SLC35F4: variants seen among roughly 807,000 people sequenced by gnomAD.
SLC35F4 encodes solute carrier family 35 member F4, also known as chromosome 14 open reading frame 36.
SLC35F4 carries 24 observed loss-of-function variants against 44.2 expected under a neutral mutation model. The observed-to-expected ratio is 0.54, with a 90% confidence interval of 0.39 to 0.76. The LOEUF (loss-of-function observed/expected upper bound fraction) is 0.76. Among genes scored for constraint, SLC35F4 ranks in the 30% least tolerant of loss-of-function variants. The probability of loss-of-function intolerance (pLI) is 0.00; values close to 1 mark genes in which losing one functional copy is unlikely to be tolerated. For synonymous variants in SLC35F4, 238 were observed against 223.6 expected (o/e 1.06, Z -0.57); for missense variants, 562 against 586.1 (o/e 0.96, Z 0.42).
At chr14:57,951,229 G>T (rs1890134707) in intron 1 of SLC35F4, among the ~76,000 whole-genome samples, 1 of 152,164 alleles carries the variant, frequency 6.6e-6, no homozygotes, top group South Asian at 2.1e-4. Flanking sequence ...GAGGGACTGT[G>T]CTGTGAGGAA....
intron 2 of SLC35F4, among the ~76,000 whole-genome samples, chr14:57,593,192 A>G (rs2070297337): frequency 6.6e-6 from 1 of 152,204 alleles, no homozygotes; most frequent in South Asian, 2.1e-4. Flanking sequence ...TCGGTCATAC[A>G]ATGAGAGGAA....
chr14:57,847,907 T>C (rs556136666), intron 1 of SLC35F4, among the ~76,000 whole-genome samples: 4 of 152,228 alleles, frequency 2.6e-5, no homozygotes, highest in African/African-American at 7.2e-5. Flanking sequence ...ATCTGAAAGA[T>C]GACAGATTGA....
chr14:57,617,962 C>T (rs1488327304), intron 1 of SLC35F4, among the ~76,000 whole-genome samples: 1 of 152,028 alleles, frequency 6.6e-6, no homozygotes, highest in Non-Finnish European at 1.5e-5. Flanking sequence ...TTTAAAGATG[C>T]CATCTAAATC....
Position 57,589,407 on chromosome 14 carries a change from G to C in SLC35F4, c.396C>G (p.Leu132=). Residue 132 remains leucine, a synonymous_variant, in exon 3 of 8, where the codon CTC becomes CTG. Transcript: ENST00000556826. The stretch of plus-strand genomic sequence containing the variant: ...ATGATGATACTGACAAGATGATCAA[G>C]AGTCCCCAGATGCCCTTCAGAACCA... The part of the protein sequence containing the change: ...TSMVLKGIWG[L]LIILSVSSSW... 3 of 1,613,974 alleles carry C rather than the reference G, an allele frequency of 1.9e-6. No homozygotes were observed. The highest frequency in any genetic ancestry group is 2.5e-6 in the Non-Finnish European group (3 of 1,179,890).
intron 1 of SLC35F4, among the ~76,000 whole-genome samples, chr14:57,895,079 A>G (rs1888844594): frequency 6.6e-6 from 1 of 152,116 alleles, no homozygotes. Context: ...AAATCTCAGA[A>G]AGGGAGGCTA....
intron 1 of SLC35F4, among the ~76,000 whole-genome samples, chr14:57,979,311 T>C (rs1324741387): frequency 6.6e-6 from 1 of 152,166 alleles, no homozygotes; most frequent in East Asian, 1.9e-4. Flanking sequence ...GGGTACTCTA[T>C]GATAGATTGG....
chr14:57,982,722 A>G (rs1881420131), upstream of SLC35F4, among the ~76,000 whole-genome samples: 1 of 151,712 alleles, frequency 6.6e-6, no homozygotes, highest in Admixed American at 6.6e-5. Context: ...TCTTTTTTTT[A>G]TTATTATTAT....
chr14:57,936,234 G>C (rs913744630), intron 1 of SLC35F4, among the ~76,000 whole-genome samples: 2 of 152,176 alleles, frequency 1.3e-5, no homozygotes, highest in Non-Finnish European at 2.9e-5. Flanking sequence ...TTAGAAGCAG[G>C]CATGGATCAG....
Position 57,644,565 on chromosome 14 carries a change from G to T in SLC35F4, c.104-50441C>A, listed in dbSNP as rs532723723. 3.4e-3 allele frequency among the ~76,000 whole-genome samples: 520 copies of T among 151,924 alleles called. 6 individuals carry two copies. Among genetic ancestry groups the T allele is most frequent in the African/African-American group, 0.012 (481 of 41,438 alleles). Reference sequence around the variant, plus strand: ...AAAATTTTCTCCCATTCTGTAGGTTGCCTGTTCACTCTGATGGTGGTTTCT... The same window carrying T: ...AAAATTTTCTCCCATTCTGTAGGTTTCCTGTTCACTCTGATGGTGGTTTCT... On this transcript the variant is annotated intron_variant, in intron 1 of 7. Transcript: ENST00000556826.
chr14:57,791,896 T>C (rs2077928610), intron 1 of SLC35F4, among the ~76,000 whole-genome samples: 1 of 149,694 alleles, frequency 6.7e-6, no homozygotes, highest in African/African-American at 2.5e-5. Context: ...TTCTCACTCA[T>C]AAGTGGGAGT....
intron 1 of SLC35F4, among the ~76,000 whole-genome samples, chr14:57,646,589 T>G (rs1192373787): frequency 6.6e-6 from 1 of 152,200 alleles, no homozygotes; most frequent in Non-Finnish European, 1.5e-5. Flanking sequence ...GATTCATTGA[T>G]TTTTTGAAGG....
rs114742892 is a variant in SLC35F4 at position 57,594,922 on chromosome 14, G to T, written c.104-798C>A. ...TCTGCAGCCAATATAGTCACATAGG[G>T]TGCTGTGCTGAGAAGGGCCCATCCT... On this transcript the variant is annotated intron_variant, in intron 1 of 7. Transcript: ENST00000556826. 1.4e-3 allele frequency among the ~76,000 whole-genome samples: 212 copies of T among 152,272 alleles called. 1 individual carries two copies. Among genetic ancestry groups the T allele is most frequent in the African/African-American group, 4.8e-3 (201 of 41,554 alleles).
rs145691423 is a variant in SLC35F4, at chr14:57,899,271, T to C, written n.282+82642A>G. 1.8e-4 allele frequency among the ~76,000 whole-genome samples: 28 copies of C among 152,338 alleles called. No homozygotes were observed. The East Asian group carries it at 5.2e-3, about 28-fold the overall frequency. On this transcript the variant is annotated intron_variant and non_coding_transcript_variant, in intron 1 of 1. Transcript: ENST00000556568. ...AAAAATCTCCATTTCCTGCATTATT[T>C]CCCGTTTTTCACATAAGAAGTCTGA...
At chr14:57,642,331 T>C (rs1363892889) in intron 1 of SLC35F4, among the ~76,000 whole-genome samples, 1 of 152,050 alleles carries the variant, frequency 6.6e-6, no homozygotes. Flanking sequence ...TCAGGGCTGA[T>C]TTTATATTAA....
chr14:57,685,562 T>A (rs1490391147), intron 1 of SLC35F4, among the ~76,000 whole-genome samples: 1 of 152,188 alleles, frequency 6.6e-6, no homozygotes, highest in Non-Finnish European at 1.5e-5. Flanking sequence ...TCCTATTCTA[T>A]TTTATTTGGA....
intron 1 of SLC35F4, among the ~76,000 whole-genome samples, chr14:57,688,967 C>T (rs1367606631): frequency 6.6e-6 from 1 of 152,084 alleles, no homozygotes; most frequent in East Asian, 1.9e-4. Context: ...GGGAAGTTGC[C>T]TAAGATGATG....
rs184468520 is a variant in SLC35F4, at chr14:57,696,444, T to C, written c.104-102320A>G. Among the ~76,000 whole-genome samples, 363 of 152,258 alleles carry C rather than the reference T, an allele frequency of 2.4e-3. 1 individual carries two copies. The highest frequency in any genetic ancestry group is 8.5e-3 in the African/African-American group (352 of 41,546). ...AGATGCTGGCGAGGATGTGGAGAAA[T>C]AGGAATGGTTTTACACTGTTGGTGG... On this transcript the variant is annotated intron_variant, in intron 1 of 7. Transcript: ENST00000556826.
At chr14:57,862,315 C>G (rs954370920) in intron 1 of SLC35F4, among the ~76,000 whole-genome samples, 1 of 152,194 alleles carries the variant, frequency 6.6e-6, no homozygotes, top group African/African-American at 2.4e-5. Flanking sequence ...GTCTCACCTA[C>G]GTTATCACAA....
intron 1 of SLC35F4, among the ~76,000 whole-genome samples, chr14:57,780,786 A>G (rs1320279571): frequency 6.6e-6 from 1 of 152,144 alleles, no homozygotes; most frequent in African/African-American, 2.4e-5. Flanking sequence ...AGGGAACAGA[A>G]TAGAGAGTCC....
Sources: allele counts gnomAD v4.1 joint callset (sites outside exome capture counted in the v4.1 genomes callset), GRCh38; gene constraint gnomAD v4.1.1; transcripts MANE v1.5; gene names NCBI Gene and HGNC (gene_info 2026-07-23, HGNC 2026-07-21).